The following TENT4B variants were observed in gnomAD, a reference collection of about 807,000 sequenced individuals.
TENT4B encodes the protein PAP associated domain containing 5.
TENT4B carries 10 observed loss-of-function variants against 75.0 expected under a neutral mutation model. The observed-to-expected ratio is 0.13, with a 90% CI of 0.08 to 0.23. TENT4B has a LOEUF of 0.23. TENT4B is among the 10% of genes least tolerant of loss of function. The pLI, the probability that TENT4B is intolerant of heterozygous loss-of-function variation, is 1.00. For synonymous variants in TENT4B, 350 were observed against 357.7 expected, an observed-to-expected ratio of 0.98 and a Z score of 0.24; for missense variants, 579 against 893.8, an observed-to-expected ratio of 0.65 and a Z score of 4.49.
chr16:50,187,991 A>G (rs1324023981), intron 1 of TENT4B, among the ~76,000 whole-genome samples: 1 of 152,060 alleles, frequency 6.6e-6, no homozygotes, highest in Non-Finnish European at 1.5e-5. Flanking sequence ...CTGGTCTTGA[A>G]CTCCTGGGCT....
rs1369256379 is a variant in TENT4B at position 50,232,531 on chromosome 16, TC to T, written c.*3208del. On this transcript the variant is annotated 3_prime_UTR_variant, in exon 12 of 12. Transcript: ENST00000561678. The stretch of plus-strand genomic sequence containing the variant: ...CTCCATGTGTTTTCTGCTCCTTCCC[TC>T]CCCCATGAAATGGTAAGTGTGACTT... 53 of 985,222 alleles carry T rather than the reference TC, an allele frequency of 5.4e-5. No individual in the cohort carries two copies. Among genetic ancestry groups the T allele is most frequent in the Non-Finnish European group, 6.3e-5 (52 of 829,948 alleles). The allele number at this position is 985,222 out of a possible 1,614,324, so 61.0% of individuals were successfully genotyped here.
At position 50,232,984 on chromosome 16, in the gene TENT4B, CAGA is replaced by C; in HGVS notation, c.*3661_*3663del. ...ATATTGAAATGTTAAAATTAATGAA[CAGA>C]AGAATTTATTCTTACCCATCTATTC... On this transcript the variant is annotated 3_prime_UTR_variant, in exon 12 of 12. Coordinates refer to ENST00000561678, the MANE Select transcript of TENT4B (RefSeq NM_001365324.3). The C allele has an allele frequency of 4.1e-6, 4 of 983,976 alleles. No individual in the cohort carries two copies. The highest frequency in any genetic ancestry group is 1.7e-5 in the African/African-American group (1 of 57,312). 61.0% of individuals were successfully genotyped at this position (983,976 alleles called of 1,614,324 possible).
intron 1 of TENT4B, among the ~76,000 whole-genome samples, chr16:50,181,485 T>A (rs1041243486): frequency 7.6e-5 from 11 of 145,186 alleles, no homozygotes; most frequent in East Asian, 3.9e-4. Flanking sequence ...TTTTTTTTTT[T>A]ATAGAGACAG....
In TENT4B at chr16:50,229,300, A is replaced by C; in HGVS notation, c.2114A>C (p.Asp705Ala). Residue 705 changes from aspartate to alanine, a missense_variant, in exon 12 of 12, where the codon GAC becomes GCC. By Grantham distance (126) the Asp-to-Ala change is moderately radical (BLOSUM62 -2). Around this residue, in one of 7 missense-constraint regions of TENT4B, gnomAD observed 164 missense variants for 226.5 expected, o/e 0.72. Coordinates refer to ENST00000561678, the MANE Select transcript of TENT4B (RefSeq NM_001365324.3). Reference sequence around the variant, plus strand: ...GGCAAAAAGAGGAAACACAAGAGGGACGCGCCCCTCTCAGACCTCTGTAGA... The same window carrying C: ...GGCAAAAAGAGGAAACACAAGAGGGCCGCGCCCCTCTCAGACCTCTGTAGA... ...YHGKKRKHKRDAPLSDLCR is the reference protein window; with the variant it reads ...YHGKKRKHKRAAPLSDLCR 6.2e-7 allele frequency: 1 copy of C among 1,613,740 alleles called. No homozygotes were observed. Among genetic ancestry groups the C allele is most frequent in the Non-Finnish European group, 8.5e-7 (1 of 1,179,772 alleles).
At chr16:50,164,665 T>A (rs897173455) in intron 1 of TENT4B, among the ~76,000 whole-genome samples, 1 of 152,122 alleles carries the variant, frequency 6.6e-6, no homozygotes, top group African/African-American at 2.4e-5. Context: ...AACTTAGAAC[T>A]GGTTTTCAAT....
At chr16:50,165,260 T>C (rs1023273355) in intron 1 of TENT4B, among the ~76,000 whole-genome samples, 1 of 152,112 alleles carries the variant, frequency 6.6e-6, no homozygotes, top group Non-Finnish European at 1.5e-5. Flanking sequence ...ATCTTACCAA[T>C]TTCTTGTTGA....
At chr16:50,182,602 T>G (rs1291347432) in intron 1 of TENT4B, among the ~76,000 whole-genome samples, 2 of 152,162 alleles carry the variant, frequency 1.3e-5, no homozygotes, top group Non-Finnish European at 2.9e-5. Flanking sequence ...AGTTGACATA[T>G]ATAGCTTTTT....
chr16:50,160,292 G>A (rs2037978943), intron 1 of TENT4B, among the ~76,000 whole-genome samples: 1 of 152,076 alleles, frequency 6.6e-6, no homozygotes, highest in Non-Finnish European at 1.5e-5. Context: ...TTCAGTGTTT[G>A]GACTTTTTTT....
chr16:50,189,792 A>G (rs1002435701), intron 1 of TENT4B, among the ~76,000 whole-genome samples: 3 of 151,978 alleles, frequency 2.0e-5, no homozygotes, highest in Non-Finnish European at 2.9e-5. Context: ...AGCTCACGTA[A>G]TCCCAGCACT....
At chr16:50,154,374 C>A in intron 1 of TENT4B, 115 bp downstream of exon 1, 1 of 1,334,288 alleles carries the variant, frequency 7.5e-7, no homozygotes, top group Non-Finnish European at 9.6e-7. Context: ...GGCCTGCCTT[C>A]GCTGCTGTTG....
intron 1 of TENT4B, among the ~76,000 whole-genome samples, chr16:50,201,000 C>T (rs1413262059): frequency 6.6e-6 from 1 of 151,896 alleles, no homozygotes; most frequent in African/African-American, 2.4e-5. Flanking sequence ...TGGGATCTCG[C>T]CATGTTACCC....
intron 1 of TENT4B, among the ~76,000 whole-genome samples, chr16:50,203,539 A>G (rs1056408772): frequency 3.3e-5 from 5 of 152,194 alleles, no homozygotes; most frequent in Non-Finnish European, 4.4e-5. Flanking sequence ...TTATCGACCT[A>G]TCTCTGTGCA....
At chr16:50,207,095 G>A (rs7204079) in intron 1 of TENT4B, among the ~76,000 whole-genome samples, 150,807 of 150,822 alleles carry the variant, frequency 1, 75,396 homozygotes, top group Middle Eastern at 1. Context: ...ATCCTTTCCC[G>A]TTGTATAGTG....
Position 50,229,821 on chromosome 16 carries a change from T to C in TENT4B, c.*493T>C. On this transcript the variant is annotated 3_prime_UTR_variant, in exon 12 of 12. Transcript: ENST00000561678. ...ATTTTTGCATATATTTACCATTTTA[T>C]TGTGTGTATATATAGAAGACCATAT... The C allele has an allele frequency of 1.1e-6, 1 of 936,092 alleles. No homozygotes were observed. The highest frequency in any genetic ancestry group is 1.3e-6 in the Non-Finnish European group (1 of 784,868). 58.0% of individuals were successfully genotyped at this position (936,092 alleles called of 1,614,324 possible).
Position 50,153,393 on chromosome 16 carries a change from A to AG in TENT4B, c.-222dup, listed in dbSNP as rs971918440. Among the ~76,000 whole-genome samples the AG allele has an allele frequency of 3.3e-4, 4 of 12,148 alleles. No individual in the cohort carries two copies. The highest frequency in any genetic ancestry group is 1.2e-3 in the African/African-American group (4 of 3,294). 8.0% of individuals were successfully genotyped at this position (12,148 alleles called of 152,430 possible). ...GGCGGAGGGGCGGAGGGGCGGAGGG[A>AG]GGGGGGGAGGGCCCGCGGAGCCCCC... On this transcript the variant is annotated 5_prime_UTR_variant, in exon 1 of 12. Coordinates refer to ENST00000561678, the MANE Select transcript of TENT4B (RefSeq NM_001365324.3).
intron 1 of TENT4B, among the ~76,000 whole-genome samples, chr16:50,208,837 A>G (rs2031124900): frequency 6.6e-6 from 1 of 151,906 alleles, no homozygotes; most frequent in Non-Finnish European, 1.5e-5. Context: ...AGTTGAAGTG[A>G]TTTTTGTGCC....
Position 50,233,332 on chromosome 16 carries a change from T to C in TENT4B, c.*4004T>C, listed in dbSNP as rs1567519418. 1 of 985,438 alleles carries C rather than the reference T, an allele frequency of 1.0e-6. No individual in the cohort carries two copies. Among genetic ancestry groups the C allele is most frequent in the Non-Finnish European group, 1.2e-6 (1 of 829,926 alleles). 61.0% of individuals were successfully genotyped at this position (985,438 alleles called of 1,614,324 possible). On this transcript the variant is annotated 3_prime_UTR_variant, in exon 12 of 12. Transcript: ENST00000561678. Reference sequence around the variant, plus strand: ...CTTGTCAAAACATTTGTGGGTAGAATAAGTGTTAAAGATCAAATTTTAATA... The same window carrying C: ...CTTGTCAAAACATTTGTGGGTAGAACAAGTGTTAAAGATCAAATTTTAATA...
intron 10 of TENT4B, among the ~76,000 whole-genome samples, 157 bp from the exon 11 acceptor site, chr16:50,227,682 A>C (rs2032114703): frequency 6.6e-6 from 1 of 152,220 alleles, no homozygotes; most frequent in Non-Finnish European, 1.5e-5. Context: ...TTTGGAGGAA[A>C]ATTTAAACAA....
chr16:50,177,862 C>T (rs1251135333), intron 1 of TENT4B, among the ~76,000 whole-genome samples: 1 of 152,080 alleles, frequency 6.6e-6, no homozygotes, highest in African/African-American at 2.4e-5. Flanking sequence ...TTACAGTTAA[C>T]ACTGTACAAT....
Sources: gnomAD v4.1 joint callset for allele counts (sites outside exome capture counted in the v4.1 genomes callset) on GRCh38, gnomAD v4.1.1 for gene constraint, gnomAD v4.1.1 regional missense constraint, MANE v1.5 for transcripts, NCBI Gene and HGNC (gene_info 2026-07-23, HGNC 2026-07-21) for gene names.